Variants in HYDIN observed in about 807,000 individuals in gnomAD.
HYDIN encodes the protein axonemal central pair apparatus protein HYDIN.
In HYDIN, 132 loss-of-function variants were observed where a neutral mutation model predicts 403.9. That is an observed-to-expected ratio of 0.33 (90% CI 0.28 to 0.38). The LOEUF (loss-of-function observed/expected upper bound fraction) is 0.38, where lower values mean the gene tolerates loss of function less well. HYDIN is among the 10% of genes least tolerant of loss of function. The pLI, the probability that HYDIN is intolerant of heterozygous loss-of-function variation, is 1.00. For missense variants in HYDIN, 2,827 were observed against 5,009.5 expected (o/e 0.56, Z 13.15); for synonymous variants, 1,202 against 1,891.7 (o/e 0.64, Z 9.46).
intron 40 of HYDIN, among the ~76,000 whole-genome samples, chr16:70,953,467 G>A (rs1318763468): frequency 6.6e-6 from 1 of 152,024 alleles, no homozygotes; most frequent in Non-Finnish European, 1.5e-5. Flanking sequence ...ACTCCTCCTC[G>A]CTTCTCCCTT....
intron 21 of HYDIN, among the ~76,000 whole-genome samples, chr16:71,020,694 A>C (rs1163430828): frequency 1.3e-5 from 2 of 151,740 alleles, no homozygotes; most frequent in African/African-American, 4.8e-5. Context: ...CTGTAATCCC[A>C]GCTACTTGGG....
chr16:71,055,792 A>G (rs1490938318), intron 18 of HYDIN, among the ~76,000 whole-genome samples: 1 of 151,888 alleles, frequency 6.6e-6, no homozygotes, highest in Non-Finnish European at 1.5e-5. Flanking sequence ...CCAAGGTGTC[A>G]CTGACATCTG....
At chr16:71,056,110 C>T (rs1489891168) in intron 18 of HYDIN, among the ~76,000 whole-genome samples, 3 of 151,416 alleles carry the variant, frequency 2.0e-5, no homozygotes, top group Non-Finnish European at 4.4e-5. Flanking sequence ...ATTCTCCGTT[C>T]CCACATTCTG....
intron 1 of HYDIN, among the ~76,000 whole-genome samples, chr16:71,205,397 C>T (rs980654625): frequency 6.6e-6 from 1 of 152,202 alleles, no homozygotes; most frequent in Non-Finnish European, 1.5e-5. Flanking sequence ...TCTACAGACG[C>T]CTGTGCAAGA....
chr16:71,022,932 G>C (rs1190695469), intron 21 of HYDIN, among the ~76,000 whole-genome samples: 1 of 151,760 alleles, frequency 6.6e-6, no homozygotes, highest in Non-Finnish European at 1.5e-5. Context: ...AGAAGAAAAA[G>C]AGCACTACCC....
At chr16:71,148,327 A>T (rs2085399299) in intron 7 of HYDIN, among the ~76,000 whole-genome samples, 1 of 152,214 alleles carries the variant, frequency 6.6e-6, no homozygotes, top group South Asian at 2.1e-4. Flanking sequence ...ACTGAGAACA[A>T]GAGAAAGATA....
chr16:70,985,080 T>A (rs2079149475), intron 28 of HYDIN, 105 bp downstream of exon 28: 1 of 977,348 alleles, frequency 1.0e-6, no homozygotes, highest in African/African-American at 1.6e-5. Flanking sequence ...TCTTTAGTTT[T>A]AACAAAAAGA....
At chr16:71,037,630 T>G (rs986747054) in intron 18 of HYDIN, among the ~76,000 whole-genome samples, 9 of 151,616 alleles carry the variant, frequency 5.9e-5, no homozygotes, top group Non-Finnish European at 1.2e-4. Flanking sequence ...AGAGGGCCTA[T>G]GGGAGGGGCC....
chr16:71,161,643 T>A (rs988619621), intron 6 of HYDIN, among the ~76,000 whole-genome samples: 2 of 152,140 alleles, frequency 1.3e-5, no homozygotes, highest in Non-Finnish European at 2.9e-5. Context: ...CTTCTTCTAT[T>A]TTTAAAAGCC....
At chr16:71,000,815 A>G (rs2079682535) in intron 23 of HYDIN, among the ~76,000 whole-genome samples, 2 of 152,140 alleles carry the variant, frequency 1.3e-5, no homozygotes. Flanking sequence ...TGGATGATGA[A>G]GGCCCTGGGA....
chr16:70,893,712 G>C (rs1304297542), intron 55 of HYDIN: 6 of 151,248 alleles, frequency 4.0e-5, no homozygotes, highest in Non-Finnish European at 5.9e-5. Flanking sequence ...TGTAGAGGCA[G>C]GGGGGTCTTG....
At position 71,069,550 on chromosome 16, in the gene HYDIN, C is replaced by T. The variant is rs375329699; in HGVS notation, c.1739-48G>A. 703 of 1,411,268 alleles carry T rather than the reference C, an allele frequency of 5.0e-4. 3 individuals carry two copies. In the Middle Eastern group the frequency reaches 0.011, roughly 23 times the overall value. The allele number at this position is 1,411,268 out of a possible 1,614,324, so 87.4% of individuals were successfully genotyped here. A position where few individuals can be genotyped will look rare whatever the true frequency, so the allele number is the denominator to read the frequency against. ...AGAAATAAAAGCCCCCCCAACACCTCCCTTGACCCTCAATCTCCCCTAGAA... is the reference window on the plus strand; with the variant it reads ...AGAAATAAAAGCCCCCCCAACACCTTCCTTGACCCTCAATCTCCCCTAGAA... On this transcript the variant is annotated intron_variant, in intron 13 of 85. Coordinates refer to ENST00000393567, the MANE Select transcript of HYDIN (RefSeq NM_001270974.2).
chr16:70,811,451 A>T (rs1379257204), intron 84 of HYDIN: 2 of 152,980 alleles, frequency 1.3e-5, no homozygotes, highest in Non-Finnish European at 2.9e-5. Flanking sequence ...AAAGTTTTTT[A>T]AAAAAGAAAA....
chr16:71,175,581 C>G (rs374105998), intron 5 of HYDIN, 26 bp downstream of exon 5: 1 of 1,611,080 alleles, frequency 6.2e-7, no homozygotes, highest in Admixed American at 1.7e-5. Flanking sequence ...TACAAGTGTC[C>G]AATTTCTTGC....
chr16:70,992,625 AGCAGG>A (rs1318344640), intron 23 of HYDIN, among the ~76,000 whole-genome samples: 1 of 149,294 alleles, frequency 6.7e-6, no homozygotes, highest in Non-Finnish European at 1.5e-5. Context: ...TTCACCAGAA[AGCAGG>A]GCTAAGACTC....
At position 70,868,804 on chromosome 16, in the gene HYDIN, G is replaced by C; in HGVS notation, c.11092-16C>G. 6.2e-7 allele frequency: 1 copy of C among 1,607,412 alleles called. No individual in the cohort carries two copies. Among genetic ancestry groups the C allele is most frequent in the Non-Finnish European group, 8.5e-7 (1 of 1,176,522 alleles). On this transcript the variant is annotated splice_polypyrimidine_tract_variant and intron_variant, in intron 65 of 85. Transcript: ENST00000393567. Reference sequence around the variant, plus strand: ...GGTGGCCCATCTAGGAAAGAGCCTGGTATTAGTATTTTTGAGAATCCGATC... The same window carrying C: ...GGTGGCCCATCTAGGAAAGAGCCTGCTATTAGTATTTTTGAGAATCCGATC...
At chr16:71,016,990 C>T (rs1433510874) in intron 23 of HYDIN, among the ~76,000 whole-genome samples, 1 of 151,090 alleles carries the variant, frequency 6.6e-6, no homozygotes, top group East Asian at 2.0e-4. Context: ...CAGGTGGTTT[C>T]CCCCATGCTG....
intron 59 of HYDIN, among the ~76,000 whole-genome samples, 158 bp from the exon 60 acceptor site, chr16:70,883,053 T>G (rs1567760715): frequency 6.6e-6 from 1 of 152,220 alleles, no homozygotes; most frequent in Non-Finnish European, 1.5e-5. Context: ...ACATTCTGTC[T>G]TGTCTTCCTC....
chr16:71,038,511 A>C (rs1451967178), intron 18 of HYDIN, among the ~76,000 whole-genome samples: 1 of 151,880 alleles, frequency 6.6e-6, no homozygotes, highest in Non-Finnish European at 1.5e-5. Context: ...AATCTGCAAG[A>C]ATCTCCTTCC....
Sources: allele counts gnomAD v4.1 joint callset (sites outside exome capture counted in the v4.1 genomes callset), GRCh38; gene constraint gnomAD v4.1.1; transcripts MANE v1.5; gene names NCBI Gene and HGNC (gene_info 2026-07-23, HGNC 2026-07-21).